Variants in MAP4K5 observed in about 807,000 individuals in gnomAD.
MAP4K5 encodes the protein MAPK/ERK kinase kinase kinase 5.
Under a neutral mutation model 135.6 loss-of-function variants are expected in MAP4K5, and 82 were observed. That is an observed-to-expected ratio of 0.60 (90% CI 0.51 to 0.73). The LOEUF (loss-of-function observed/expected upper bound fraction) is 0.73. Among genes scored for constraint, MAP4K5 ranks in the 30% least tolerant of loss-of-function variants. MAP4K5 has a pLI of 0.00. For synonymous variants in MAP4K5, 347 were observed against 335.0 expected (o/e 1.04, Z -0.39); for missense variants, 907 against 1,010.9 (o/e 0.90, Z 1.39).
At chr14:50,456,921 C>T (rs367857513) in intron 13 of MAP4K5, among the ~76,000 whole-genome samples, 36 of 152,222 alleles carry the variant, frequency 2.4e-4, no homozygotes, top group African/African-American at 8.4e-4. Context: ...ACTATTAAAG[C>T]CCAGTGAAGG....
intron 10 of MAP4K5, 120 bp from the exon 11 acceptor site, chr14:50,466,765 C>T (rs1364973231): frequency 1.7e-5 from 9 of 522,192 alleles, no homozygotes; most frequent in Non-Finnish European, 2.1e-5. Context: ...ATGAAAACTA[C>T]TATGGGATAT....
chr14:50,551,236 C>A (rs973038561), intron 1 of MAP4K5, among the ~76,000 whole-genome samples: 2 of 152,050 alleles, frequency 1.3e-5, no homozygotes, highest in Non-Finnish European at 2.9e-5. Flanking sequence ...TCATTCAAGG[C>A]TACTATGAAC....
intron 13 of MAP4K5, among the ~76,000 whole-genome samples, chr14:50,460,050 A>C (rs1249243658): frequency 1.3e-5 from 2 of 151,980 alleles, no homozygotes; most frequent in African/African-American, 4.8e-5. Context: ...CCTTATCACT[A>C]GGCTTTCAAA....
intron 2 of MAP4K5, among the ~76,000 whole-genome samples, chr14:50,527,338 CA>C (rs969336280): frequency 8.3e-5 from 11 of 132,556 alleles, no homozygotes; most frequent in East Asian, 2.2e-4. Context: ...GACTCCGTCT[CA>C]AAAAAAAAAG....
rs1454841312 is a variant in MAP4K5, at chr14:50,419,698, C to A, written c.*321G>T. ...AAATTTACCTCTCTTAAGATAATCA[C>A]GAGTTATCTAAAAATACCATGGCAC... On this transcript the variant is annotated 3_prime_UTR_variant, in exon 33 of 33. Transcript: ENST00000682126. 2.2e-5 allele frequency: 5 copies of A among 231,106 alleles called. No individual in the cohort carries two copies. Among genetic ancestry groups the A allele is most frequent in the Non-Finnish European group, 3.4e-5 (4 of 116,696 alleles). 14.3% of individuals were successfully genotyped at this position (231,106 alleles called of 1,614,324 possible). A position where few individuals can be genotyped will look rare whatever the true frequency, so the allele number is the denominator to read the frequency against.
rs565622681 is a variant in MAP4K5, at chr14:50,427,233, G to A, written c.2327-1256C>T. ...CACATCTGAAAAAGTTGAGGTATCA[G>A]TGTGTTTCAATGAAAGTGAAGAGGA... is the stretch of plus-strand genomic sequence containing the variant. On this transcript the variant is annotated intron_variant, in intron 30 of 32. Transcript: ENST00000682126. Among the ~76,000 whole-genome samples, 47 of 152,280 alleles carry A rather than the reference G, an allele frequency of 3.1e-4. 1 individual carries two copies. Among genetic ancestry groups the A allele is most frequent in the African/African-American group, 1.1e-3 (47 of 41,578 alleles).
intron 14 of MAP4K5, chr14:50,450,550 G>A (rs2036460522): frequency 6.6e-6 from 1 of 152,142 alleles, no homozygotes; most frequent in East Asian, 1.9e-4. Context: ...GCGCTGCTTA[G>A]GTAGAGGGCA....
chr14:50,489,674 G>A (rs2037439816), intron 3 of MAP4K5, among the ~76,000 whole-genome samples: 2 of 152,128 alleles, frequency 1.3e-5, no homozygotes, highest in African/African-American at 4.8e-5. Flanking sequence ...TTTGTGTCAT[G>A]TGACCTTGTA....
intron 3 of MAP4K5, among the ~76,000 whole-genome samples, chr14:50,496,370 T>C (rs1337459519): frequency 6.6e-6 from 1 of 151,910 alleles, no homozygotes; most frequent in Admixed American, 6.6e-5. Flanking sequence ...ATGGTTAAGA[T>C]GGTAAAGTTT....
chr14:50,493,623 C>T (rs2037532579), intron 3 of MAP4K5, among the ~76,000 whole-genome samples: 1 of 151,844 alleles, frequency 6.6e-6, no homozygotes, highest in Non-Finnish European at 1.5e-5. Context: ...GATACAAAAT[C>T]AAAACAGAAA....
chr14:50,452,125 TAA>T (rs1461209041), intron 14 of MAP4K5, among the ~76,000 whole-genome samples: 1 of 152,194 alleles, frequency 6.6e-6, no homozygotes, highest in Admixed American at 6.6e-5. Flanking sequence ...CTGGCTGGGC[TAA>T]GTTATGATGT....
chr14:50,446,038 T>C (rs1385083139), intron 17 of MAP4K5, 41 bp downstream of exon 17: 1 of 1,317,084 alleles, frequency 7.6e-7, no homozygotes, highest in Non-Finnish European at 1.0e-6. Context: ...ACTATATTAT[T>C]TAAATAAGGA....
chr14:50,442,002 A>C (rs2139704302), intron 21 of MAP4K5, among the ~76,000 whole-genome samples: 1 of 152,230 alleles, frequency 6.6e-6, no homozygotes, highest in South Asian at 2.1e-4. Context: ...TGTTTCAAAC[A>C]ATCACACTGA....
In MAP4K5 at chr14:50,437,542, C is replaced by T. The variant is rs376736906; in HGVS notation, c.1824-8G>A. On this transcript the variant is annotated splice_region_variant and splice_polypyrimidine_tract_variant and intron_variant, in intron 25 of 32. Coordinates refer to ENST00000682126, the MANE Select transcript of MAP4K5 (RefSeq NM_006575.6). ...GTTGTTAAAGCGAATTTTCTGAAAA[C>T]GTAAGACGATATAAATGCACTCTAC... is the stretch of plus-strand genomic sequence containing the variant. 153 of 1,584,304 alleles carry T rather than the reference C, an allele frequency of 9.7e-5. No homozygotes were observed. Among genetic ancestry groups the T allele is most frequent in the African/African-American group, 1.5e-4 (11 of 73,966 alleles).
chr14:50,440,517 T>A (rs1348553868), intron 21 of MAP4K5, 76 bp from the exon 22 acceptor site: 2 of 722,132 alleles, frequency 2.8e-6, no homozygotes, highest in Admixed American at 2.9e-5. Context: ...GACTTTACAT[T>A]GTAATGGCAT....
intron 3 of MAP4K5, among the ~76,000 whole-genome samples, chr14:50,495,092 A>C (rs2037565442): frequency 1.3e-5 from 2 of 152,190 alleles, no homozygotes. Flanking sequence ...AAATTTAAAA[A>C]ATTTTGTTCA....
chr14:50,550,954 A>C (rs1261918957), intron 1 of MAP4K5, among the ~76,000 whole-genome samples: 1 of 152,180 alleles, frequency 6.6e-6, no homozygotes. Context: ...CTGAAAGAGC[A>C]CAAATAGACA....
At chr14:50,456,282 C>T (rs1246575355) in intron 14 of MAP4K5, 2 of 472,766 alleles carry the variant, frequency 4.2e-6, no homozygotes, top group African/African-American at 2.0e-5. Context: ...TTTTTTCTTG[C>T]AGATTTTCAG....
chr14:50,444,127 C>T (rs1364719649), intron 18 of MAP4K5, 91 bp from the exon 19 acceptor site: 9 of 844,806 alleles, frequency 1.1e-5, no homozygotes, highest in Non-Finnish European at 1.6e-5. Flanking sequence ...ATTTGTCTTT[C>T]ACTTGGGTGA....
Sources: allele counts gnomAD v4.1 joint callset (sites outside exome capture counted in the v4.1 genomes callset), GRCh38; gene constraint gnomAD v4.1.1; transcripts MANE v1.5; gene names NCBI Gene and HGNC (gene_info 2026-07-23, HGNC 2026-07-21).